The following IKZF3 variants were observed in gnomAD, a reference collection of about 807,000 sequenced individuals.
The protein encoded by IKZF3 is zinc finger protein Aiolos.
In IKZF3, 10 loss-of-function variants were observed where a neutral mutation model predicts 49.0. The ratio of observed to expected loss-of-function variants is 0.20; its 90% CI spans 0.13 to 0.35. The LOEUF (loss-of-function observed/expected upper bound fraction) is 0.35, where lower values mean the gene tolerates loss of function less well. Ranked by LOEUF, IKZF3 falls within the 10% of genes least tolerant of loss-of-function variation. IKZF3 has a pLI of 1.00. For synonymous variants in IKZF3, 209 were observed against 228.2 expected (o/e 0.92, Z 0.76); for missense variants, 498 against 664.8 (o/e 0.75, Z 2.76).
At chr17:39,832,417 G>C (rs917074308) in intron 1 of IKZF3, among the ~76,000 whole-genome samples, 2 of 151,144 alleles carry the variant, frequency 1.3e-5, no homozygotes, top group African/African-American at 4.9e-5. Context: ...GGTTCCATTA[G>C]AAATAATTTC....
Position 39,766,067 on chromosome 17 carries a change from A to T in IKZF3, c.1253T>A (p.Leu418Gln), listed in dbSNP as rs2060282218. 6.2e-7 allele frequency: 1 copy of T among 1,614,070 alleles called. No individual in the cohort carries two copies. Among genetic ancestry groups the T allele is most frequent in the South Asian group, 1.1e-5 (1 of 91,094 alleles). Residue 418 changes from leucine to glutamine, a missense_variant, in exon 8 of 8, where the codon CTG (leucine) becomes CAG (glutamine). Leu to Gln is a moderately radical substitution (Grantham distance 113). Transcript: ENST00000346872. The part of the protein sequence containing the change: ...LSRARNGMPL[L>Q]KEVPRSYELL... ...TTCGTAAGAGCGGGGAACCTCCTTC[A>T]GAAGTGGCATCCCATTGCGGGCCCG...
Position 39,833,519 on chromosome 17 carries a change from T to C in IKZF3, c.8-1368A>G, listed in dbSNP as rs1330976670. The stretch of plus-strand genomic sequence containing the variant: ...ATAAAAACAGAATCACACAGACATA[T>C]GGTATAAATTATTTTGCCCGAGGCT... On this transcript the variant is annotated intron_variant, in intron 1 of 7. Transcript: ENST00000346872. 5.9e-5 allele frequency among the ~76,000 whole-genome samples: 9 copies of C among 152,258 alleles called. No homozygotes were observed. The South Asian group carries it at 1.2e-3, about 21-fold the overall frequency.
At chr17:39,793,628 A>C (rs2143901866) in intron 3 of IKZF3, among the ~76,000 whole-genome samples, 1 of 152,348 alleles carries the variant, frequency 6.6e-6, no homozygotes, top group African/African-American at 2.4e-5. Context: ...CGACACAGGT[A>C]AGTGGGGCTC....
At chr17:39,777,519 T>G in intron 7 of IKZF3, 132 bp downstream of exon 7, 1 of 608,244 alleles carries the variant, frequency 1.6e-6, no homozygotes, top group Non-Finnish European at 2.9e-6. Context: ...CCATGAAGAA[T>G]AAAAGTACAC....
intron 1 of IKZF3, among the ~76,000 whole-genome samples, chr17:39,840,720 T>A (rs1019258703): frequency 1.2e-4 from 19 of 152,188 alleles, no homozygotes; most frequent in African/African-American, 4.6e-4. Context: ...GAAATACACA[T>A]AGTTTAAAAA....
At chr17:39,767,764 A>C (rs1567957137) in intron 7 of IKZF3, among the ~76,000 whole-genome samples, 1 of 152,164 alleles carries the variant, frequency 6.6e-6, no homozygotes, top group East Asian at 1.9e-4. Context: ...CTCGAGAAAA[A>C]GTATAAGTTA....
chr17:39,797,037 C>T (rs1012412230), intron 3 of IKZF3, among the ~76,000 whole-genome samples: 43 of 151,576 alleles, frequency 2.8e-4, no homozygotes, highest in Non-Finnish European at 4.9e-4. Flanking sequence ...TGGTGGTGTG[C>T]GCCTATAGTC....
chr17:39,783,463 C>T (rs1330843568), intron 6 of IKZF3, among the ~76,000 whole-genome samples: 3 of 151,996 alleles, frequency 2.0e-5, no homozygotes. Flanking sequence ...CTGGGACTAT[C>T]AGTGCATGCT....
intron 7 of IKZF3, among the ~76,000 whole-genome samples, chr17:39,776,414 C>T (rs2060590753): frequency 6.6e-6 from 1 of 152,240 alleles, no homozygotes; most frequent in South Asian, 2.1e-4. Context: ...TTTACTGTGC[C>T]TAAACTCTAA....
At chr17:39,815,658 T>A (rs2061662726) in intron 3 of IKZF3, among the ~76,000 whole-genome samples, 1 of 152,226 alleles carries the variant, frequency 6.6e-6, no homozygotes, top group East Asian at 1.9e-4. Context: ...TTCCCAGCAC[T>A]CATTGGATGC....
chr17:39,792,913 C>G lies in IKZF3; in HGVS notation c.184G>C (p.Asp62His). ...DIGDDSMKVK[D>H]EYSERDENVL... ...TTCTCATCTCTTTCACTGTATTCAT[C>G]TTTCACTTTCATTGAATCATCTGCA... is the stretch of plus-strand genomic sequence containing the variant. The change falls in exon 4 of 8, where the codon GAT (aspartate) becomes CAT (histidine). Residue 62 changes from aspartate to histidine, a missense_variant. Physicochemically the swap from Asp to His is moderately conservative, Grantham distance 81. Coordinates refer to ENST00000346872, the MANE Select transcript of IKZF3 (RefSeq NM_012481.5). 9 of 1,613,526 alleles carry G rather than the reference C, an allele frequency of 5.6e-6. No homozygotes were observed. Among genetic ancestry groups the G allele is most frequent in the Non-Finnish European group, 7.6e-6 (9 of 1,179,726 alleles).
At chr17:39,830,056 G>C (rs555650523) in intron 2 of IKZF3, among the ~76,000 whole-genome samples, 1 of 152,318 alleles carries the variant, frequency 6.6e-6, no homozygotes, top group Non-Finnish European at 1.5e-5. Flanking sequence ...GGGCACTCAT[G>C]TTCCTTCTGG....
intron 3 of IKZF3, among the ~76,000 whole-genome samples, chr17:39,820,018 A>G (rs565005494): frequency 6.6e-6 from 1 of 152,306 alleles, no homozygotes; most frequent in East Asian, 1.9e-4. Context: ...ATACACACAT[A>G]TAACTGACCT....
At chr17:39,795,487 A>T (rs1464349961) in intron 3 of IKZF3, among the ~76,000 whole-genome samples, 1 of 151,922 alleles carries the variant, frequency 6.6e-6, no homozygotes, top group South Asian at 2.1e-4. Flanking sequence ...GCTCACTGCC[A>T]CCTCTGCTTC....
chr17:39,808,194 T>C (rs560292015), intron 3 of IKZF3, among the ~76,000 whole-genome samples: 4 of 152,316 alleles, frequency 2.6e-5, no homozygotes, highest in South Asian at 4.1e-4. Context: ...TGAGCTATGA[T>C]TACTTCCATA....
At chr17:39,795,856 C>T (rs2061148313) in intron 3 of IKZF3, among the ~76,000 whole-genome samples, 1 of 151,050 alleles carries the variant, frequency 6.6e-6, no homozygotes. Context: ...AGTTTGAGAC[C>T]AGCCTGGTCA....
chr17:39,855,531 A>G (rs765698344), intron 1 of IKZF3, among the ~76,000 whole-genome samples: 5 of 152,192 alleles, frequency 3.3e-5, no homozygotes, highest in African/African-American at 9.7e-5. Flanking sequence ...GATGTTTGCA[A>G]TGGATATCTA....
At chr17:39,835,774 C>A in intron 1 of IKZF3, 1 of 510,374 alleles carries the variant, frequency 2.0e-6, no homozygotes, top group Non-Finnish European at 3.8e-6. Flanking sequence ...GGTAAGACTC[C>A]ATCCAGCTCC....
chr17:39,766,448 A>C lies in IKZF3; in HGVS notation c.872T>G (p.Met291Arg). Residue 291 changes from methionine (M) to arginine (R), a missense_variant, in exon 8 of 8, where the codon ATG (methionine) becomes AGG (arginine). This residue lies in a region of IKZF3 where 317 missense variants were observed against 397.3 expected (regional missense o/e 0.80). Coordinates refer to ENST00000346872, the MANE Select transcript of IKZF3 (RefSeq NM_012481.5). ...TATGAGCTCACTCTCTTTCTCATAC[A>C]TGTAACTTGAATTATAGTTGACATC... ...CFDVNYNSSY[M>R]YEKESELIQT... 4 of 1,613,860 alleles carry C rather than the reference A, an allele frequency of 2.5e-6. No individual in the cohort carries two copies. The highest frequency in any genetic ancestry group is 3.4e-6 in the Non-Finnish European group (4 of 1,179,988).
Sources: allele counts gnomAD v4.1 joint callset (sites outside exome capture counted in the v4.1 genomes callset), GRCh38; gene constraint gnomAD v4.1.1; regional missense constraint gnomAD v4.1.1; transcripts MANE v1.5; gene names NCBI Gene and HGNC (gene_info 2026-07-23, HGNC 2026-07-21).